DAB1: variants seen among roughly 807,000 people sequenced by gnomAD.
DAB1 encodes the protein DAB adaptor protein 1.
Under a neutral mutation model 64.6 loss-of-function variants are expected in DAB1, and 15 were observed. That is an observed-to-expected ratio of 0.23 (90% CI 0.16 to 0.36). The LOEUF is 0.36. DAB1 is among the 10% of genes least tolerant of loss of function. DAB1 has a pLI of 1.00. For missense variants in DAB1, 596 were observed against 706.7 expected (o/e 0.84, Z 1.78); for synonymous variants, 235 against 251.9 (o/e 0.93, Z 0.64).
chr1:58,538,655 G>T, intron 1 of DAB1: 2 of 493,984 alleles, frequency 4.0e-6, no homozygotes, highest in Non-Finnish European at 7.1e-6. Flanking sequence ...TAAATGGGGG[G>T]AGACAGGGGA....
chr1:57,389,799 C>T (rs1682193632), intron 1 of DAB1, among the ~76,000 whole-genome samples: 2 of 152,038 alleles, frequency 1.3e-5, no homozygotes, highest in African/African-American at 4.8e-5. Context: ...TTCCGAGATA[C>T]AGAAAATTTA....
At chr1:58,191,108 A>G (rs1657365657) in intron 4 of DAB1, among the ~76,000 whole-genome samples, 1 of 152,236 alleles carries the variant, frequency 6.6e-6, no homozygotes. Flanking sequence ...CAGAAATACA[A>G]GATACATGGA....
At chr1:57,317,630 G>C (rs546122247) in intron 1 of DAB1, among the ~76,000 whole-genome samples, 1 of 151,942 alleles carries the variant, frequency 6.6e-6, no homozygotes, top group Non-Finnish European at 1.5e-5. Context: ...TGAACACTAC[G>C]TTACTCAAAG....
chr1:57,804,965 G>C (rs1651295598), intron 6 of DAB1, among the ~76,000 whole-genome samples: 1 of 152,362 alleles, frequency 6.6e-6, no homozygotes, highest in South Asian at 2.1e-4. Context: ...AGGAAGGACA[G>C]AGAAAGCTAT....
At chr1:57,291,818 T>C (rs77563865) in intron 1 of DAB1, among the ~76,000 whole-genome samples, 2,237 of 152,274 alleles carry the variant, frequency 0.015, 46 homozygotes, top group African/African-American at 0.051. Context: ...TAAATGTGCA[T>C]TGAATAATAC....
intron 3 of DAB1, among the ~76,000 whole-genome samples, chr1:58,505,796 GTTAAAA>G (rs1645979148): frequency 6.6e-6 from 1 of 152,078 alleles, no homozygotes; most frequent in Non-Finnish European, 1.5e-5. Flanking sequence ...CATCAAGTCA[GTTAAAA>G]TTAAAGTCTC....
At chr1:57,702,989 C>G (rs749605744) in intron 6 of DAB1, among the ~76,000 whole-genome samples, 1 of 152,146 alleles carries the variant, frequency 6.6e-6, no homozygotes, top group Non-Finnish European at 1.5e-5. Context: ...TAGCTATATA[C>G]AGAAGATTGA....
chr1:57,669,335 T>C (rs974816764), intron 6 of DAB1, among the ~76,000 whole-genome samples: 3 of 152,160 alleles, frequency 2.0e-5, no homozygotes, highest in African/African-American at 7.2e-5. Context: ...TAAGTATTAT[T>C]ATGATTTTTC....
chr1:58,374,732 T>C (rs1644306600), intron 3 of DAB1, among the ~76,000 whole-genome samples: 1 of 141,390 alleles, frequency 7.1e-6, no homozygotes, highest in Non-Finnish European at 1.6e-5. Context: ...CATTGGTAGC[T>C]TTATGGGGAT....
At chr1:57,943,915 G>A (rs1239263765) in intron 5 of DAB1, among the ~76,000 whole-genome samples, 1 of 152,062 alleles carries the variant, frequency 6.6e-6, no homozygotes, top group Admixed American at 6.5e-5. Flanking sequence ...AAGGCCTTAA[G>A]GACTCAGCCT....
At chr1:57,166,447 AC>A (rs1661218120) in intron 2 of DAB1, among the ~76,000 whole-genome samples, 2 of 152,190 alleles carry the variant, frequency 1.3e-5, no homozygotes, top group Non-Finnish European at 2.9e-5. Context: ...TAACACATAA[AC>A]CTTTGAAAAC....
intron 5 of DAB1, among the ~76,000 whole-genome samples, chr1:57,955,328 C>G (rs1222395535): frequency 1.4e-4 from 21 of 152,116 alleles, no homozygotes; most frequent in Non-Finnish European, 2.5e-4. Context: ...TTAATATGAC[C>G]TTGACTCCAG....
At chr1:58,539,723 A>G (rs557588745) in intron 1 of DAB1, among the ~76,000 whole-genome samples, 1 of 152,342 alleles carries the variant, frequency 6.6e-6, no homozygotes, top group South Asian at 2.1e-4. Context: ...ACATTACGCA[A>G]TGAAGAACAG....
intron 4 of DAB1, among the ~76,000 whole-genome samples, chr1:57,079,825 C>T (rs534563607): frequency 5.3e-5 from 8 of 152,184 alleles, no homozygotes; most frequent in Admixed American, 2.0e-4. Context: ...GTTTCCCTGA[C>T]CTTCCAGCGC....
At chr1:57,259,452 C>A (rs956266717) in intron 2 of DAB1, among the ~76,000 whole-genome samples, 3 of 152,120 alleles carry the variant, frequency 2.0e-5, no homozygotes, top group Non-Finnish European at 4.4e-5. Context: ...TGAACTAAGT[C>A]TTAACCATCA....
At chr1:58,109,030 A>C (rs910275864) in intron 5 of DAB1, among the ~76,000 whole-genome samples, 9 of 152,332 alleles carry the variant, frequency 5.9e-5, no homozygotes, top group Non-Finnish European at 1.2e-4. Flanking sequence ...GAAGATTTTC[A>C]AACTGTGTTC....
chr1:58,138,057 A>G (rs1440042326), intron 5 of DAB1, among the ~76,000 whole-genome samples: 1 of 152,220 alleles, frequency 6.6e-6, no homozygotes, highest in South Asian at 2.1e-4. Context: ...ATTTAAAAAT[A>G]TAATGATGAA....
intron 5 of DAB1, among the ~76,000 whole-genome samples, chr1:58,021,036 C>T (rs1646807991): frequency 6.6e-6 from 1 of 152,132 alleles, no homozygotes. Flanking sequence ...AAATAAAAGA[C>T]CTGGACCCTG....
intron 7 of DAB1, among the ~76,000 whole-genome samples, chr1:57,431,143 C>CACA (rs749097562): frequency 1.0e-4 from 10 of 96,422 alleles, no homozygotes; most frequent in Non-Finnish European, 1.6e-4. Context: ...AGGCCAAAAA[C>CACA]AAAAAAAAAA....
Sources: allele counts gnomAD v4.1 joint callset (sites outside exome capture counted in the v4.1 genomes callset), GRCh38; gene constraint gnomAD v4.1.1; transcripts MANE v1.5; gene names NCBI Gene and HGNC (gene_info 2026-07-23, HGNC 2026-07-21).